The following STAB2 variants were observed in gnomAD, a reference collection of about 807,000 sequenced individuals.
The protein encoded by STAB2 is stabilin 2, also known as stabilin-2.
A neutral mutation model predicts 338.1 loss-of-function variants in STAB2; 288 were observed. That is an observed-to-expected ratio of 0.85 (90% CI 0.77 to 0.94). STAB2 has a LOEUF of 0.94. Among genes scored for constraint, STAB2 ranks in the 40% least tolerant of loss-of-function variants. The pLI, the probability that STAB2 is intolerant of heterozygous loss-of-function variation, is 0.00. For synonymous variants in STAB2, 1,202 were observed against 1,193.3 expected (o/e 1.01, Z -0.15); for missense variants, 3,141 against 3,210.1 (o/e 0.98, Z 0.52).
In STAB2 at chr12:103,766,430, C is replaced by G. The variant is rs542049133; in HGVS notation, c.*94C>G. ...CAGTTGCCTTTTAGGAACGTAAAGT[C>G]CTTTAAGCACTCAGAAGCCATACCT... On this transcript the variant is annotated 3_prime_UTR_variant, in exon 69 of 69. Transcript: ENST00000388887. The G allele has an allele frequency of 2.7e-5, 38 of 1,406,722 alleles. No homozygotes were observed. The South Asian group carries it at 4.9e-4, about 18-fold the overall frequency. 87.1% of individuals were successfully genotyped at this position (1,406,722 alleles called of 1,614,324 possible). A position where few individuals can be genotyped will look rare whatever the true frequency, so the allele number is the denominator to read the frequency against.
rs1206231155 is a variant in STAB2 at position 103,726,104 on chromosome 12, CTT to C, written c.4804-10_4804-9del. On this transcript the variant is annotated splice_polypyrimidine_tract_variant and intron_variant, in intron 45 of 68. Coordinates refer to ENST00000388887, the MANE Select transcript of STAB2 (RefSeq NM_017564.10). ...TTCACAGGCATTAAGTGAAACTACT[CTT>C]TGTTTGCAGGAGCTTCCCAAGAACC... The C allele has an allele frequency of 1.2e-6, 2 of 1,613,720 alleles. No individual in the cohort carries two copies. The highest frequency in any genetic ancestry group is 1.3e-5 in the African/African-American group (1 of 74,886).
chr12:103,695,906 GT>G, intron 33 of STAB2, 62 bp downstream of exon 33: 1 of 1,502,926 alleles, frequency 6.7e-7, no homozygotes, highest in Non-Finnish European at 9.2e-7. Flanking sequence ...CTCAGTGTTT[GT>G]AATCCATTAG....
chr12:103,743,721 T>C (rs1041459903), intron 56 of STAB2, among the ~76,000 whole-genome samples: 1 of 152,168 alleles, frequency 6.6e-6, no homozygotes, highest in Admixed American at 6.5e-5. Context: ...TAGTGGACAG[T>C]GCAGACCAGA....
intron 15 of STAB2, among the ~76,000 whole-genome samples, chr12:103,659,401 C>A (rs567062669): frequency 2.6e-5 from 4 of 152,228 alleles, no homozygotes; most frequent in African/African-American, 9.6e-5. Context: ...TGGGACTTCA[C>A]GCTGTTGCAA....
chr12:103,760,668 C>A (rs565679694), intron 65 of STAB2, among the ~76,000 whole-genome samples: 1 of 152,074 alleles, frequency 6.6e-6, no homozygotes, highest in African/African-American at 2.4e-5. Context: ...GTGGTGATAA[C>A]CATGATGTCG....
chr12:103,694,111 G>C (rs1878196692), intron 31 of STAB2, among the ~76,000 whole-genome samples: 1 of 152,086 alleles, frequency 6.6e-6, no homozygotes, highest in South Asian at 2.1e-4. Flanking sequence ...GGGCATCTTT[G>C]TCAGGGCCAC....
chr12:103,700,952 C>T (rs895473567), intron 34 of STAB2, among the ~76,000 whole-genome samples: 3 of 150,554 alleles, frequency 2.0e-5, no homozygotes, highest in Non-Finnish European at 3.0e-5. Context: ...CCCACTAACT[C>T]GTCATCTAGC....
At chr12:103,668,617 T>A in intron 19 of STAB2, 26 bp from the exon 20 acceptor site, 1 of 1,549,346 alleles carries the variant, frequency 6.5e-7, no homozygotes, top group Non-Finnish European at 8.7e-7. Context: ...CTGACTGCCA[T>A]GCTTTCCCTC....
intron 25 of STAB2, among the ~76,000 whole-genome samples, chr12:103,678,962 G>A (rs1257953546): frequency 6.6e-6 from 1 of 152,204 alleles, no homozygotes; most frequent in East Asian, 1.9e-4. Flanking sequence ...GCCAGTGCAG[G>A]GCTGGACACT....
chr12:103,636,827 A>G (rs1458673260), intron 6 of STAB2, among the ~76,000 whole-genome samples: 1 of 152,206 alleles, frequency 6.6e-6, no homozygotes, highest in Admixed American at 6.5e-5. Context: ...CTTTCATAAT[A>G]TATCGTTAAA....
At chr12:103,623,436 G>A (rs1957334248) in intron 5 of STAB2, among the ~76,000 whole-genome samples, 1 of 152,148 alleles carries the variant, frequency 6.6e-6, no homozygotes, top group Non-Finnish European at 1.5e-5. Flanking sequence ...ATCTGGGAAG[G>A]CCCAGTGTTA....
At chr12:103,607,623 G>A (rs1288697871) in intron 3 of STAB2, among the ~76,000 whole-genome samples, 1 of 151,668 alleles carries the variant, frequency 6.6e-6, no homozygotes, top group Non-Finnish European at 1.5e-5. Context: ...ACCTATGAGT[G>A]AGAACATGTG....
intron 3 of STAB2, among the ~76,000 whole-genome samples, chr12:103,597,780 CT>C (rs571175998): frequency 1.2e-4 from 18 of 149,138 alleles, no homozygotes; most frequent in South Asian, 6.4e-4. Context: ...GAACATCTTA[CT>C]TTTTTTTTTA....
chr12:103,680,987 T>C (rs1876846509), intron 25 of STAB2, among the ~76,000 whole-genome samples: 1 of 152,212 alleles, frequency 6.6e-6, no homozygotes, highest in Non-Finnish European at 1.5e-5. Flanking sequence ...CTTGAAGAAA[T>C]GCGATCTTGT....
At chr12:103,613,584 T>C (rs552040443) in intron 3 of STAB2, among the ~76,000 whole-genome samples, 1 of 152,280 alleles carries the variant, frequency 6.6e-6, no homozygotes, top group South Asian at 2.1e-4. Context: ...GTTCCATCTG[T>C]TACCCCTTTC....
At chr12:103,684,888 T>G (rs2138877741) in intron 26 of STAB2, 101 bp from the exon 27 acceptor site, 1 of 1,068,634 alleles carries the variant, frequency 9.4e-7, no homozygotes, top group Non-Finnish European at 1.4e-6. Context: ...CAGCCCCAAA[T>G]TTGCAGTTAT....
intron 26 of STAB2, 126 bp from the exon 27 acceptor site, chr12:103,684,863 A>T: frequency 1.3e-6 from 1 of 748,022 alleles, no homozygotes; most frequent in Non-Finnish European, 2.3e-6. Context: ...TCTATGGGTT[A>T]CTTCTACCAT....
At chr12:103,692,098 G>C (rs910414257) in intron 30 of STAB2, among the ~76,000 whole-genome samples, 15 of 152,190 alleles carry the variant, frequency 9.9e-5, no homozygotes, top group African/African-American at 2.4e-5. Flanking sequence ...AGTTCTGAAG[G>C]CCAGAAGTCC....
Position 103,655,321 on chromosome 12 carries a change from A to T in STAB2, c.1608+14A>T. 1 of 1,609,908 alleles carries T rather than the reference A, an allele frequency of 6.2e-7. No homozygotes were observed. Among genetic ancestry groups the T allele is most frequent in the Non-Finnish European group, 8.5e-7 (1 of 1,178,756 alleles). Reference sequence around the variant, plus strand: ...TCTTTGTTAGAGGTAAGCACTTTTCATAATTTTCTGAAAAATATTTATGTC... The same window carrying T: ...TCTTTGTTAGAGGTAAGCACTTTTCTTAATTTTCTGAAAAATATTTATGTC... On this transcript the variant is annotated intron_variant, in intron 14 of 68. Coordinates refer to ENST00000388887, the MANE Select transcript of STAB2 (RefSeq NM_017564.10).
Sources: allele counts gnomAD v4.1 joint callset (sites outside exome capture counted in the v4.1 genomes callset), GRCh38; gene constraint gnomAD v4.1.1; transcripts MANE v1.5; gene names NCBI Gene and HGNC (gene_info 2026-07-23, HGNC 2026-07-21).